KIAA1549: variants seen among roughly 807,000 people sequenced by gnomAD.
The protein encoded by KIAA1549 is KIAA1549, also known as UPF0606 protein KIAA1549.
A neutral mutation model predicts 156.4 loss-of-function variants in KIAA1549; 70 were observed. The observed-to-expected ratio is 0.45, with a 90% confidence interval of 0.37 to 0.55. The LOEUF (loss-of-function observed/expected upper bound fraction) is 0.55, where lower values mean the gene tolerates loss of function less well. Among genes scored for constraint, KIAA1549 ranks in the 20% least tolerant of loss-of-function variants. The pLI, the probability that KIAA1549 is intolerant of heterozygous loss-of-function variation, is 0.00. For synonymous variants in KIAA1549, 1,103 were observed against 1,066.4 expected, an observed-to-expected ratio of 1.03 and a Z score of -0.67; for missense variants, 2,428 against 2,540.9, an observed-to-expected ratio of 0.96 and a Z score of 0.96.
At chr7:138,861,539 T>G in intron 15 of KIAA1549, 83 bp from the exon 16 acceptor site, 1 of 1,104,740 alleles carries the variant, frequency 9.1e-7, no homozygotes, top group Non-Finnish European at 1.3e-6. Context: ...TGAGGAAAAG[T>G]TCTATCATAA....
At chr7:138,893,376 G>A (rs1449904889) in intron 10 of KIAA1549, among the ~76,000 whole-genome samples, 1 of 151,628 alleles carries the variant, frequency 6.6e-6, no homozygotes, top group Non-Finnish European at 1.5e-5. Context: ...TCTAAGATAG[G>A]GAGTGGGGGG....
At chr7:138,974,833 C>T (rs1299965474) in intron 1 of KIAA1549, among the ~76,000 whole-genome samples, 1 of 151,078 alleles carries the variant, frequency 6.6e-6, no homozygotes, top group Non-Finnish European at 1.5e-5. Context: ...GGTTCTTGCA[C>T]ACTATTTACA....
At chr7:138,938,315 C>G (rs1203819525) in intron 1 of KIAA1549, among the ~76,000 whole-genome samples, 1 of 152,206 alleles carries the variant, frequency 6.6e-6, no homozygotes, top group Non-Finnish European at 1.5e-5. Context: ...CCCAAATGGA[C>G]TAAGACACAC....
rs1207425357 is a variant in KIAA1549, at chr7:138,835,502, G to T, written c.*2404C>A. ...CAATTTGAAACAGAACCCTCTTTCT[G>T]CAATGCTCAAAGGAGGTTACCATTT... On this transcript the variant is annotated 3_prime_UTR_variant, in exon 20 of 20. Transcript: ENST00000422774. 3 of 221,654 alleles carry T rather than the reference G, an allele frequency of 1.4e-5. No homozygotes were observed. The highest frequency in any genetic ancestry group is 2.7e-5 in the Non-Finnish European group (3 of 110,868). 13.7% of individuals were successfully genotyped at this position (221,654 alleles called of 1,614,324 possible). A position where few individuals can be genotyped will look rare whatever the true frequency, so the allele number is the denominator to read the frequency against.
intron 1 of KIAA1549, among the ~76,000 whole-genome samples, chr7:138,919,759 C>T (rs182825396): frequency 6.6e-6 from 1 of 152,192 alleles, no homozygotes; most frequent in Non-Finnish European, 1.5e-5. Context: ...AGTCCATTTT[C>T]TCTCATTTAT....
intron 10 of KIAA1549, among the ~76,000 whole-genome samples, chr7:138,884,382 C>G (rs1340352831): frequency 6.6e-6 from 1 of 152,062 alleles, no homozygotes. Flanking sequence ...TCAGAGAAAC[C>G]TGAAAAACCG....
At chr7:138,869,467 G>T in intron 14 of KIAA1549, 71 bp downstream of exon 14, 1 of 1,222,696 alleles carries the variant, frequency 8.2e-7, no homozygotes, top group Non-Finnish European at 1.2e-6. Context: ...AGGGGCTCCT[G>T]TCCTGCTCCT....
intron 1 of KIAA1549, among the ~76,000 whole-genome samples, chr7:138,953,960 A>C (rs920657006): frequency 2.6e-5 from 4 of 152,218 alleles, no homozygotes; most frequent in Non-Finnish European, 5.9e-5. Context: ...ACAGAAAATA[A>C]ATGGTGCATC....
At chr7:138,949,810 C>T (rs777381463) in intron 1 of KIAA1549, among the ~76,000 whole-genome samples, 6 of 152,214 alleles carry the variant, frequency 3.9e-5, no homozygotes, top group Non-Finnish European at 5.9e-5. Flanking sequence ...CTCAGAGACC[C>T]ACAGGTGGGT....
At chr7:138,980,521 T>C (rs142697201) in intron 1 of KIAA1549, among the ~76,000 whole-genome samples, 213 of 152,352 alleles carry the variant, frequency 1.4e-3, no homozygotes, top group African/African-American at 4.9e-3. Context: ...CCAATAGCTA[T>C]TTCCCTGGAA....
At chr7:138,945,285 G>A (rs11975499) in intron 1 of KIAA1549, among the ~76,000 whole-genome samples, 41,301 of 152,054 alleles carry the variant, frequency 0.27, 6,947 homozygotes, top group African/African-American at 0.48. Context: ...GTGCCTTAGC[G>A]CCAGCCACTG....
chr7:138,939,977 T>C (rs935576788), intron 1 of KIAA1549, among the ~76,000 whole-genome samples: 2 of 152,106 alleles, frequency 1.3e-5, no homozygotes, highest in Non-Finnish European at 2.9e-5. Flanking sequence ...CAAGACCCCA[T>C]TTCTACAAAA....
intron 1 of KIAA1549, among the ~76,000 whole-genome samples, chr7:138,931,606 G>C (rs981756377): frequency 1.3e-5 from 2 of 152,038 alleles, no homozygotes; most frequent in African/African-American, 4.8e-5. Flanking sequence ...ACAAAAACTA[G>C]CCAGGCGTGG....
At chr7:138,888,360 G>A (rs953180483) in intron 10 of KIAA1549, among the ~76,000 whole-genome samples, 4 of 152,162 alleles carry the variant, frequency 2.6e-5, no homozygotes, top group African/African-American at 9.7e-5. Context: ...GGATACTTTC[G>A]TTCACTTCTT....
In KIAA1549 at chr7:138,880,839, C is replaced by T. The variant is rs188965709; in HGVS notation, c.4229+549G>A. Among the ~76,000 whole-genome samples, 368 of 152,178 alleles carry T rather than the reference C, an allele frequency of 2.4e-3. 2 individuals are homozygous for T. Among genetic ancestry groups the T allele is most frequent in the African/African-American group, 8.6e-3 (355 of 41,502 alleles). On this transcript the variant is annotated intron_variant, in intron 11 of 19. Coordinates refer to ENST00000422774, the MANE Select transcript of KIAA1549 (RefSeq NM_001164665.2). ...AATGGGGAGCGAGGCAGGGAGGAGG[C>T]GGTGAAGAGTCTTGTGTGATATCCT...
chr7:138,963,176 C>T (rs1455339948), intron 1 of KIAA1549, among the ~76,000 whole-genome samples: 2 of 152,238 alleles, frequency 1.3e-5, no homozygotes, highest in Non-Finnish European at 2.9e-5. Context: ...GGCCTGCCTG[C>T]AGGCATGCCT....
At chr7:138,944,576 G>A (rs1270381930) in intron 1 of KIAA1549, among the ~76,000 whole-genome samples, 2 of 151,734 alleles carry the variant, frequency 1.3e-5, no homozygotes, top group Admixed American at 6.6e-5. Context: ...GGAAGCAGGC[G>A]TTCAAACCAA....
In KIAA1549 at chr7:138,875,098, CT is replaced by C. The variant is rs1287036776; in HGVS notation, c.4346-3737del. 1.8e-4 allele frequency among the ~76,000 whole-genome samples: 27 copies of C among 152,300 alleles called. No individual in the cohort carries two copies. In the East Asian group the frequency reaches 3.1e-3, roughly 17 times the overall value. ...TAATTTATTGCATATTTTCAATTAG[CT>C]TGAAGAGCATATTTTGAATGTTCCC... is the stretch of plus-strand genomic sequence containing the variant. On this transcript the variant is annotated intron_variant, in intron 12 of 19. Transcript: ENST00000422774.
intron 16 of KIAA1549, among the ~76,000 whole-genome samples, chr7:138,856,304 C>T (rs761403946): frequency 3.3e-5 from 5 of 151,922 alleles, no homozygotes; most frequent in African/African-American, 1.2e-4. Flanking sequence ...TCCCACATAT[C>T]CCCTCATTTC....
Sources: gnomAD v4.1 joint callset for allele counts (sites outside exome capture counted in the v4.1 genomes callset) on GRCh38, gnomAD v4.1.1 for gene constraint, MANE v1.5 for transcripts, NCBI Gene and HGNC (gene_info 2026-07-23, HGNC 2026-07-21) for gene names.